STON2: variants seen among roughly 807,000 people sequenced by gnomAD.
STON2 encodes stonin 2.
In STON2, 29 loss-of-function variants were observed where a neutral mutation model predicts 65.7. The observed-to-expected ratio is 0.44, with a 90% CI of 0.33 to 0.60. STON2 has a LOEUF of 0.60. Among genes scored for constraint, STON2 ranks in the 20% least tolerant of loss-of-function variants. The probability of loss-of-function intolerance (pLI) is 0.03; values close to 1 mark genes in which losing one functional copy is unlikely to be tolerated. For synonymous variants in STON2, 404 were observed against 414.2 expected (o/e 0.98, Z 0.30); for missense variants, 1,054 against 1,118.1 (o/e 0.94, Z 0.82).
At chr14:81,306,398 G>A (rs1211059909) in intron 5 of STON2, among the ~76,000 whole-genome samples, 2 of 149,652 alleles carry the variant, frequency 1.3e-5, no homozygotes, top group African/African-American at 4.9e-5. Flanking sequence ...TTTTTTTTAA[G>A]AGATGGAGTT....
chr14:81,288,402 G>A (rs904156413), intron 5 of STON2, among the ~76,000 whole-genome samples: 6 of 152,194 alleles, frequency 3.9e-5, no homozygotes, highest in African/African-American at 9.7e-5. Context: ...TATACTCCGA[G>A]GCTGCATGGT....
At chr14:81,349,733 T>G (rs1030531751) in intron 4 of STON2, among the ~76,000 whole-genome samples, 1 of 152,130 alleles carries the variant, frequency 6.6e-6, no homozygotes, top group Non-Finnish European at 1.5e-5. Flanking sequence ...TGGGTATTTA[T>G]CCAAAGGAAA....
At chr14:81,303,059 GGTGTGT>G (rs56117739) in intron 5 of STON2, among the ~76,000 whole-genome samples, 11 of 97,052 alleles carry the variant, frequency 1.1e-4, no homozygotes, top group East Asian at 3.1e-4. Flanking sequence ...ATGTGTGGGG[GGTGTGT>G]GTGTGTGTGT....
intron 4 of STON2, among the ~76,000 whole-genome samples, chr14:81,329,237 C>T (rs1343004012): frequency 2.6e-5 from 4 of 152,014 alleles, no homozygotes; most frequent in Non-Finnish European, 4.4e-5. Flanking sequence ...GGGCAGATCA[C>T]GAGGTCGGGA....
At chr14:81,361,360 G>A (rs992231882) in intron 4 of STON2, among the ~76,000 whole-genome samples, 1 of 152,096 alleles carries the variant, frequency 6.6e-6, no homozygotes. Flanking sequence ...CACATGTACA[G>A]TCATTTGATT....
At chr14:81,294,390 C>T (rs760726482) in intron 5 of STON2, among the ~76,000 whole-genome samples, 1 of 152,152 alleles carries the variant, frequency 6.6e-6, no homozygotes, top group Non-Finnish European at 1.5e-5. Flanking sequence ...AGGACTTAAC[C>T]GCATTGTCAA....
chr14:81,408,157 A>ACACACACGCGCG (rs147841517), intron 2 of STON2, among the ~76,000 whole-genome samples: 1 of 150,522 alleles, frequency 6.6e-6, no homozygotes, highest in South Asian at 2.1e-4. Context: ...ACACACACAC[A>ACACACACGCGCG]CGCGCACACA....
At chr14:81,381,422 T>C (rs560193109) in intron 3 of STON2, among the ~76,000 whole-genome samples, 9 of 152,210 alleles carry the variant, frequency 5.9e-5, no homozygotes, top group East Asian at 1.9e-4. Context: ...TAGGAGATAA[T>C]ATGTGCCACA....
intron 4 of STON2, among the ~76,000 whole-genome samples, chr14:81,361,985 A>G (rs767091836): frequency 2.0e-5 from 3 of 152,154 alleles, no homozygotes; most frequent in Non-Finnish European, 4.4e-5. Flanking sequence ...AAAAGATTAA[A>G]TATAACTAGC....
rs138873531 is a variant in STON2 at position 81,277,835 on chromosome 14, C to T, written c.1647G>A (p.Glu549=). ...ISEPRLQNYD[E]NGRIHSLRID... ...TCCGCAAGCTGTGGATTCTGCCATT[C>T]TCATCATAGTTTTGAAGCCGGGGTT... Residue 549 remains glutamate (E), a synonymous_variant, in exon 6 of 8, where the codon GAG becomes GAA. Coordinates refer to ENST00000614646, the MANE Select transcript of STON2 (RefSeq NM_001394390.1). The T allele has an allele frequency of 3.7e-5, 59 of 1,614,190 alleles. No homozygotes were observed. In the African/African-American group the frequency reaches 7.2e-4, roughly 20 times the overall value.
chr14:81,383,622 T>C (rs1312055987), intron 3 of STON2, among the ~76,000 whole-genome samples: 1 of 152,140 alleles, frequency 6.6e-6, no homozygotes, highest in Non-Finnish European at 1.5e-5. Context: ...TGGAATCCAA[T>C]CACTTCCTGC....
At chr14:81,416,051 C>A (rs1901415722) in intron 2 of STON2, among the ~76,000 whole-genome samples, 1 of 152,160 alleles carries the variant, frequency 6.6e-6, no homozygotes, top group Non-Finnish European at 1.5e-5. Flanking sequence ...GGATGCCTAG[C>A]ATACCCTTCA....
intron 4 of STON2, among the ~76,000 whole-genome samples, chr14:81,335,160 C>T (rs1897326980): frequency 6.6e-6 from 1 of 152,064 alleles, no homozygotes; most frequent in Non-Finnish European, 1.5e-5. Context: ...ACCATCACAC[C>T]TGGCCTACCA....
intron 1 of STON2, among the ~76,000 whole-genome samples, chr14:81,434,822 A>C (rs1318039642): frequency 6.6e-6 from 1 of 152,212 alleles, no homozygotes; most frequent in Admixed American, 6.5e-5. Flanking sequence ...AAGAAAAGAA[A>C]GTGACACAGT....
chr14:81,281,064 A>G (rs1480620717), intron 5 of STON2, among the ~76,000 whole-genome samples: 1 of 152,030 alleles, frequency 6.6e-6, no homozygotes, highest in African/African-American at 2.4e-5. Flanking sequence ...GCTAAACACG[A>G]GTATGCATAT....
chr14:81,416,112 C>G (rs1025105330), intron 2 of STON2, among the ~76,000 whole-genome samples: 1 of 152,150 alleles, frequency 6.6e-6, no homozygotes, highest in African/African-American at 2.4e-5. Context: ...TTAACTCTAG[C>G]CATGGAACAT....
intron 3 of STON2, among the ~76,000 whole-genome samples, chr14:81,376,400 T>C (rs1899253680): frequency 6.6e-6 from 1 of 152,062 alleles, no homozygotes; most frequent in Non-Finnish European, 1.5e-5. Context: ...TAGCAAAATA[T>C]AACTTTTCAA....
At chr14:81,340,020 G>T (rs191239852) in intron 4 of STON2, among the ~76,000 whole-genome samples, 1 of 152,160 alleles carries the variant, frequency 6.6e-6, no homozygotes, top group African/African-American at 2.4e-5. Context: ...CGGGCGTGGT[G>T]GCGGGCGCCT....
At chr14:81,334,903 T>C (rs1288098792) in intron 4 of STON2, among the ~76,000 whole-genome samples, 2 of 152,094 alleles carry the variant, frequency 1.3e-5, no homozygotes, top group Non-Finnish European at 2.9e-5. Context: ...AGTGGTGTGA[T>C]CTCAGCTCAC....
Sources: allele counts gnomAD v4.1 joint callset (sites outside exome capture counted in the v4.1 genomes callset), GRCh38; gene constraint gnomAD v4.1.1; transcripts MANE v1.5; gene names NCBI Gene and HGNC (gene_info 2026-07-23, HGNC 2026-07-21).